Variants in SLC45A4 observed in about 807,000 individuals in gnomAD.
SLC45A4 encodes solute carrier family 45 member 4, also known as polyamine-transporter SLC45A4.
A neutral mutation model predicts 63.7 loss-of-function variants in SLC45A4; 32 were observed. That is an observed-to-expected ratio of 0.50 (90% CI 0.38 to 0.67). The LOEUF is 0.67. SLC45A4 is among the 30% of genes least tolerant of loss of function. SLC45A4 has a pLI of 0.00. For synonymous variants in SLC45A4, 535 were observed against 510.0 expected, an observed-to-expected ratio of 1.05 and a Z score of -0.66; for missense variants, 1,027 against 1,157.7, an observed-to-expected ratio of 0.89 and a Z score of 1.64.
chr8:141,232,251 G>A (rs941999148), intron 2 of SLC45A4, among the ~76,000 whole-genome samples: 7 of 152,230 alleles, frequency 4.6e-5, no homozygotes, highest in African/African-American at 1.4e-4. Flanking sequence ...CGCCAGCCCC[G>A]CTGCTCTGTG....
intron 2 of SLC45A4, chr8:141,253,328 T>A (rs912320266): frequency 3.7e-4 from 72 of 196,758 alleles, no homozygotes; most frequent in Non-Finnish European, 6.2e-4. Context: ...CATGCCCACC[T>A]GTGCGTCTGT....
At chr8:141,237,415 C>CTGACCCCTAG (rs1278361016) in intron 2 of SLC45A4, among the ~76,000 whole-genome samples, 2 of 152,190 alleles carry the variant, frequency 1.3e-5, no homozygotes, top group Non-Finnish European at 2.9e-5. Context: ...CCTTGCTTCA[C>CTGACCCCTAG]TGACCCCTAG....
rs1181895791 is a variant in SLC45A4, at chr8:141,229,033, G to A, written c.242-7268C>T. On this transcript the variant is annotated intron_variant, in intron 2 of 8. Coordinates refer to ENST00000517878, the MANE Select transcript of SLC45A4 (RefSeq NM_001286646.2). This position sits in a 1 kb window ranked among gnomAD's most constrained non-coding sequence, Gnocchi z 5.0. ...CCCGCCGTACACTTGTCTCCCCATC[G>A]GCTCCTCCCGCCCATGGGACCTTCG... Among the ~76,000 whole-genome samples the A allele has an allele frequency of 6.6e-6, 1 of 152,018 alleles. No homozygotes were observed. The highest frequency in any genetic ancestry group is 1.5e-5 in the Non-Finnish European group (1 of 68,000).
chr8:141,215,664 G>T lies in SLC45A4; in HGVS notation c.1941+95C>A. ...GAGGAAGGAGGGCCATCTGTGTCGT[G>T]AACGTCCCCCCGGGGAAGCACAGGG... On this transcript the variant is annotated intron_variant, in intron 7 of 8. Transcript: ENST00000517878. This position sits in a 1 kb window ranked among gnomAD's most constrained non-coding sequence, Gnocchi z 4.3. 1.5e-6 allele frequency: 2 copies of T among 1,319,056 alleles called. No individual in the cohort carries two copies. Among genetic ancestry groups the T allele is most frequent in the Non-Finnish European group, 1.1e-6 (1 of 938,182 alleles). 81.7% of individuals were successfully genotyped at this position (1,319,056 alleles called of 1,614,324 possible).
At chr8:141,269,313 G>A (rs6992286) in intron 1 of SLC45A4, among the ~76,000 whole-genome samples, 61,191 of 152,114 alleles carry the variant, frequency 0.4, 13,472 homozygotes, top group African/African-American at 0.59. Flanking sequence ...CACAAGTCAG[G>A]GCACTTCAGA....
At chr8:141,293,099 G>C (rs766551851) in intron 1 of SLC45A4, among the ~76,000 whole-genome samples, 1 of 152,210 alleles carries the variant, frequency 6.6e-6, no homozygotes, top group Non-Finnish European at 1.5e-5. Flanking sequence ...GTGGGCCTAC[G>C]TAATGCACGC....
At position 141,215,689 on chromosome 8, in the gene SLC45A4, G is replaced by T; in HGVS notation, c.1941+70C>A. ...GAACGTCCCCCCGGGGAAGCACAGG[G>T]CTCTGCTCTGTATGGAGGGAAGGCA... On this transcript the variant is annotated intron_variant, in intron 7 of 8. Coordinates refer to ENST00000517878, the MANE Select transcript of SLC45A4 (RefSeq NM_001286646.2). The surrounding 1 kb of genome is among the most constrained non-coding windows in gnomAD (Gnocchi z 4.3). 6.6e-7 allele frequency: 1 copy of T among 1,507,720 alleles called. No individual in the cohort carries two copies. Among genetic ancestry groups the T allele is most frequent in the Non-Finnish European group, 9.1e-7 (1 of 1,096,282 alleles). The allele number at this position is 1,507,720 out of a possible 1,614,324, so 93.4% of individuals were successfully genotyped here.
At chr8:141,239,573 A>AGC (rs1827798594) in intron 2 of SLC45A4, among the ~76,000 whole-genome samples, 2 of 59,820 alleles carry the variant, frequency 3.3e-5, no homozygotes, top group African/African-American at 1.1e-4. Flanking sequence ...GCAGGAGCAA[A>AGC]GCACACACAC....
At chr8:141,255,561 C>T (rs573665873) in intron 1 of SLC45A4, among the ~76,000 whole-genome samples, 1 of 152,180 alleles carries the variant, frequency 6.6e-6, no homozygotes, top group Admixed American at 6.5e-5. Context: ...ACTAAAAATA[C>T]AAAAATTAGC....
At chr8:141,270,181 G>A (rs1293576940) in intron 1 of SLC45A4, among the ~76,000 whole-genome samples, 5 of 151,892 alleles carry the variant, frequency 3.3e-5, no homozygotes, top group Non-Finnish European at 5.9e-5. Context: ...TAAAAGAAAC[G>A]AATCCCTAAG....
Position 141,267,776 on chromosome 8 carries a change from T to TA in SLC45A4, c.-400-13148dup, listed in dbSNP as rs1829338338. 8.7e-5 allele frequency among the ~76,000 whole-genome samples: 13 copies of TA among 149,050 alleles called. No homozygotes were observed. In the South Asian group the frequency reaches 2.7e-3, roughly 31 times the overall value. ...TGTAGCTGTGGTGCCACCACACACC[T>TA]ATGAGAATGGCCAAAGCTTAGGGCA... On this transcript the variant is annotated intron_variant, in intron 1 of 8. Transcript: ENST00000517878.
rs768553379 is a variant in SLC45A4 at position 141,229,225 on chromosome 8, G to A, written c.242-7460C>T. Among the ~76,000 whole-genome samples the A allele has an allele frequency of 6.6e-6, 1 of 151,848 alleles. No individual in the cohort carries two copies. Among genetic ancestry groups the A allele is most frequent in the Admixed American group, 6.6e-5 (1 of 15,254 alleles). ...CTCCCTCATCCTCCGTAACCCACCC[G>A]CCACCTGCAGTCAGAGTGACCACCT... On this transcript the variant is annotated intron_variant, in intron 2 of 8. Coordinates refer to ENST00000517878, the MANE Select transcript of SLC45A4 (RefSeq NM_001286646.2). The surrounding 1 kb of genome is among the most constrained non-coding windows in gnomAD (Gnocchi z 5.0).
At chr8:141,212,624 G>T (rs560132156) in intron 7 of SLC45A4, 68 bp from the exon 8 acceptor site, 1 of 1,492,100 alleles carries the variant, frequency 6.7e-7, no homozygotes, top group Non-Finnish European at 8.9e-7. Flanking sequence ...CTTCACAACT[G>T]TGAGTATTAA....
chr8:141,269,508 G>A (rs931362883), intron 1 of SLC45A4, among the ~76,000 whole-genome samples: 5 of 151,318 alleles, frequency 3.3e-5, no homozygotes, highest in East Asian at 2.0e-4. Flanking sequence ...CCTGTGTCGC[G>A]TGTGTGTATC....
chr8:141,246,609 G>GCCAAGGCAGCAACAGAGA (rs1229104485), intron 2 of SLC45A4, among the ~76,000 whole-genome samples: 6 of 20,746 alleles, frequency 2.9e-4, no homozygotes, highest in East Asian at 8.1e-4. Flanking sequence ...TTACTCAAGG[G>GCCAAGGCAGCAACAGAGA]GAGGGCATTG....
chr8:141,300,514 C>T lies in SLC45A4; in HGVS notation c.-401+7582G>A, dbSNP rs192179284. 1.2e-3 allele frequency among the ~76,000 whole-genome samples: 187 copies of T among 152,354 alleles called. 1 individual carries two copies. Among genetic ancestry groups the T allele is most frequent in the African/African-American group, 2.7e-3 (111 of 41,580 alleles). Reference sequence around the variant, plus strand: ...CCCCGGACCAGCCTCATCTGGTTCTCGGGCAGAGGCCCACCTTCCCAACCC... The same window carrying T: ...CCCCGGACCAGCCTCATCTGGTTCTTGGGCAGAGGCCCACCTTCCCAACCC... On this transcript the variant is annotated intron_variant, in intron 1 of 8. Transcript: ENST00000517878.
chr8:141,296,785 G>A (rs1319898154), intron 1 of SLC45A4, among the ~76,000 whole-genome samples: 5 of 132,168 alleles, frequency 3.8e-5, no homozygotes, highest in African/African-American at 5.7e-5. Context: ...GCAGTGAGCC[G>A]AGATCATGCC....
rs78119103 is a variant in SLC45A4, at chr8:141,303,498, C to T, written c.-401+4598G>A. On this transcript the variant is annotated intron_variant, in intron 1 of 8. Transcript: ENST00000517878. Reference sequence around the variant, plus strand: ...ATATATAAAAGTATAATGACCACCACACCTGACCAGGTAAGCACTGTGTTG... The same window carrying T: ...ATATATAAAAGTATAATGACCACCATACCTGACCAGGTAAGCACTGTGTTG... Among the ~76,000 whole-genome samples, 968 of 152,262 alleles carry T rather than the reference C, an allele frequency of 6.4e-3. 12 individuals carry two copies. Among genetic ancestry groups the T allele is most frequent in the African/African-American group, 0.022 (919 of 41,556 alleles).
chr8:141,290,338 C>T (rs891512055), intron 1 of SLC45A4, among the ~76,000 whole-genome samples: 1 of 152,076 alleles, frequency 6.6e-6, no homozygotes, highest in Non-Finnish European at 1.5e-5. Context: ...GCCCGGCCCT[C>T]CCACTCAGGC....
Sources: gnomAD v4.1 joint callset for allele counts (sites outside exome capture counted in the v4.1 genomes callset) on GRCh38, gnomAD v4.1.1 for gene constraint, Gnocchi (gnomAD v3.1) non-coding constraint, MANE v1.5 for transcripts, NCBI Gene and HGNC (gene_info 2026-07-23, HGNC 2026-07-21) for gene names.